FDFT1: variants seen among roughly 807,000 people sequenced by gnomAD.
FDFT1 encodes farnesyl-diphosphate farnesyltransferase 1.
A neutral mutation model predicts 46.8 loss-of-function variants in FDFT1; 68 were observed. That is an observed-to-expected ratio of 1.45 (90% confidence interval 1.19 to 1.78). FDFT1 has a LOEUF of 1.78. Among genes scored for constraint, FDFT1 ranks in the 40% most tolerant of loss-of-function variants. The pLI is 0.00. For synonymous variants in FDFT1, 351 were observed against 185.1 expected, an observed-to-expected ratio of 1.90 and a Z score of -7.28; for missense variants, 928 against 524.4, an observed-to-expected ratio of 1.77 and a Z score of -7.52.
At chr8:11,835,631 C>T (rs985070412) in intron 7 of FDFT1, among the ~76,000 whole-genome samples, 3 of 152,008 alleles carry the variant, frequency 2.0e-5, no homozygotes, top group Non-Finnish European at 4.4e-5. Context: ...AATCTTTTTT[C>T]CCAAAAGGAT....
intron 3 of FDFT1, among the ~76,000 whole-genome samples, chr8:11,821,446 C>G (rs1037268206): frequency 7.3e-4 from 111 of 152,262 alleles, no homozygotes; most frequent in Non-Finnish European, 5.9e-5. Flanking sequence ...TAAAAATTAG[C>G]TGGGCGTGGT....
intron 5 of FDFT1, among the ~76,000 whole-genome samples, chr8:11,827,036 A>G (rs1319132885): frequency 5.3e-5 from 8 of 152,220 alleles, no homozygotes; most frequent in African/African-American, 9.6e-5. Context: ...TAATTAAAAC[A>G]TGGACAGGGA....
At chr8:11,815,522 C>A (rs1285196541) in intron 3 of FDFT1, among the ~76,000 whole-genome samples, 1 of 152,220 alleles carries the variant, frequency 6.6e-6, no homozygotes, top group Non-Finnish European at 1.5e-5. Context: ...CACATCCTCT[C>A]CAGCATCTGT....
intron 2 of FDFT1, 114 bp from the exon 3 acceptor site, chr8:11,809,553 T>C (rs955811593): frequency 3.0e-6 from 4 of 1,316,442 alleles, no homozygotes; most frequent in Non-Finnish European, 4.0e-6. Flanking sequence ...TCCTTATAGT[T>C]CTTTAGAGTT....
chr8:11,810,338 C>A (rs927650306), intron 3 of FDFT1, among the ~76,000 whole-genome samples: 5 of 152,166 alleles, frequency 3.3e-5, no homozygotes, highest in African/African-American at 9.7e-5. Flanking sequence ...CTTGACTACC[C>A]GGAGCCTGGT....
intron 3 of FDFT1, among the ~76,000 whole-genome samples, chr8:11,814,125 G>C (rs1808114048): frequency 6.6e-6 from 1 of 152,154 alleles, no homozygotes; most frequent in South Asian, 2.1e-4. Context: ...GTCTAACCAA[G>C]GATCTGTGGA....
intron 1 of FDFT1, among the ~76,000 whole-genome samples, chr8:11,804,566 A>C (rs1471444806): frequency 6.6e-6 from 1 of 150,814 alleles, no homozygotes; most frequent in Non-Finnish European, 1.5e-5. Context: ...TTGGAAAAAT[A>C]CATTTCCCTT....
chr8:11,837,045 C>G (rs1388351060), intron 7 of FDFT1, among the ~76,000 whole-genome samples: 1 of 152,226 alleles, frequency 6.6e-6, no homozygotes, highest in Non-Finnish European at 1.5e-5. Flanking sequence ...TGGCTCCTGG[C>G]TGAACCTGGA....
chr8:11,803,109 C>CGTCCT, intron 1 of FDFT1, 178 bp downstream of exon 1: 1 of 1,428,872 alleles, frequency 7.0e-7, no homozygotes, highest in Non-Finnish European at 9.1e-7. Flanking sequence ...TGGACGCGGC[C>CGTCCT]GTCCTGGCTG....
chr8:11,824,692 C>T lies in FDFT1; in HGVS notation c.511-1332C>T, dbSNP rs559183342. The stretch of plus-strand genomic sequence containing the variant: ...GAAATGGAGATCATACTGCTATGTA[C>T]CTGATACAATGTTTGTGAGGATTGA... On this transcript the variant is annotated intron_variant, in intron 4 of 7. Coordinates refer to ENST00000220584, the MANE Select transcript of FDFT1 (RefSeq NM_004462.5). Among the ~76,000 whole-genome samples, 33 of 152,258 alleles carry T rather than the reference C, an allele frequency of 2.2e-4. No individual in the cohort carries two copies. In the South Asian group the frequency reaches 6.4e-3, roughly 30 times the overall value.
intron 5 of FDFT1, among the ~76,000 whole-genome samples, chr8:11,828,468 G>C (rs894700545): frequency 1.3e-5 from 2 of 152,202 alleles, no homozygotes; most frequent in African/African-American, 4.8e-5. Flanking sequence ...GATGTATAGT[G>C]AGGCAGTGGC....
intron 3 of FDFT1, among the ~76,000 whole-genome samples, chr8:11,819,460 TTCTG>T (rs148445492): frequency 0.033 from 5,030 of 152,294 alleles, 101 homozygotes; most frequent in African/African-American, 0.053. Context: ...CTTGGTTCCA[TTCTG>T]TCTATCACTT....
intron 7 of FDFT1, among the ~76,000 whole-genome samples, chr8:11,835,770 CTGA>C (rs971087969): frequency 1.3e-5 from 2 of 152,152 alleles, no homozygotes; most frequent in African/African-American, 4.8e-5. Context: ...TAGTTTGGTG[CTGA>C]TGTTATCATC....
At chr8:11,810,961 A>G (rs1300989037) in intron 3 of FDFT1, among the ~76,000 whole-genome samples, 1 of 146,702 alleles carries the variant, frequency 6.8e-6, no homozygotes, top group Non-Finnish European at 1.5e-5. Context: ...AAAAAAAAGG[A>G]ATGTTTGGGG....
chr8:11,800,930 T>C (rs140580311), upstream of FDFT1, among the ~76,000 whole-genome samples: 1 of 152,086 alleles, frequency 6.6e-6, no homozygotes. Context: ...GGTAGGGACT[T>C]AGGATTTTTA....
chr8:11,804,103 C>A (rs907375615), intron 1 of FDFT1, among the ~76,000 whole-genome samples: 1 of 152,210 alleles, frequency 6.6e-6, no homozygotes, highest in African/African-American at 2.4e-5. Flanking sequence ...CAACAGTGAA[C>A]AAGCTAGGTG....
chr8:11,822,685 G>C (rs549283960), intron 4 of FDFT1, among the ~76,000 whole-genome samples: 1 of 152,230 alleles, frequency 6.6e-6, no homozygotes, highest in African/African-American at 2.4e-5. Flanking sequence ...TTGGTGGCAT[G>C]TGCCTGTGGT....
At chr8:11,831,255 T>A (rs1229927363) in intron 6 of FDFT1, among the ~76,000 whole-genome samples, 2 of 152,234 alleles carry the variant, frequency 1.3e-5, no homozygotes, top group African/African-American at 2.4e-5. Flanking sequence ...GTTTGCTTTT[T>A]CCAAATAAAA....
chr8:11,810,369 G>A (rs528136407), intron 3 of FDFT1, among the ~76,000 whole-genome samples: 2 of 152,198 alleles, frequency 1.3e-5, no homozygotes, highest in Admixed American at 1.3e-4. Context: ...TGCTGCTCAC[G>A]ATGGGCAGCA....
Sources: allele counts gnomAD v4.1 joint callset (sites outside exome capture counted in the v4.1 genomes callset), GRCh38; gene constraint gnomAD v4.1.1; transcripts MANE v1.5; gene names NCBI Gene and HGNC (gene_info 2026-07-23, HGNC 2026-07-21).